The following CSMD3 variants were observed in gnomAD, a reference collection of about 807,000 sequenced individuals.
CSMD3 encodes CUB and Sushi multiple domains 3.
CSMD3 carries 177 observed loss-of-function variants against 435.2 expected under a neutral mutation model. The ratio of observed to expected loss-of-function variants is 0.41; its 90% confidence interval spans 0.36 to 0.46. The LOEUF (loss-of-function observed/expected upper bound fraction) is 0.46, where lower values mean the gene tolerates loss of function less well. Among genes scored for constraint, CSMD3 ranks in the 20% least tolerant of loss-of-function variants. The pLI is 0.34. For missense variants in CSMD3, 4,265 were observed against 4,504.6 expected, an observed-to-expected ratio of 0.95 and a Z score of 1.52; for synonymous variants, 1,656 against 1,520.5, an observed-to-expected ratio of 1.09 and a Z score of -2.07.
At chr8:112,496,640 A>C (rs555877497) in intron 30 of CSMD3, among the ~76,000 whole-genome samples, 1 of 152,298 alleles carries the variant, frequency 6.6e-6, no homozygotes, top group African/African-American at 2.4e-5. Context: ...AGAATGAAAT[A>C]TTTGCAACAA....
intron 59 of CSMD3, among the ~76,000 whole-genome samples, chr8:112,270,372 G>C (rs936024566): frequency 1.3e-5 from 2 of 150,836 alleles, no homozygotes; most frequent in African/African-American, 4.9e-5. Context: ...GTGTGTGTGT[G>C]TGTGTGTGTG....
intron 4 of CSMD3, among the ~76,000 whole-genome samples, chr8:113,162,172 T>C (rs2092053363): frequency 6.6e-6 from 1 of 152,048 alleles, no homozygotes; most frequent in Admixed American, 6.6e-5. Flanking sequence ...GGATTTTATT[T>C]AAGGAAAAAT....
At chr8:112,306,848 A>G (rs1309671799) in intron 50 of CSMD3, among the ~76,000 whole-genome samples, 1 of 152,108 alleles carries the variant, frequency 6.6e-6, no homozygotes, top group Non-Finnish European at 1.5e-5. Flanking sequence ...TTTTATCTAC[A>G]ATACATTTGA....
chr8:112,790,966 G>A (rs759184412), intron 13 of CSMD3, among the ~76,000 whole-genome samples: 11 of 152,038 alleles, frequency 7.2e-5, no homozygotes, highest in Non-Finnish European at 1.2e-4. Context: ...CATATTTAAA[G>A]TATACAGTTT....
intron 5 of CSMD3, among the ~76,000 whole-genome samples, chr8:113,077,249 C>T (rs1339770473): frequency 2.0e-5 from 3 of 151,776 alleles, no homozygotes; most frequent in African/African-American, 4.8e-5. Flanking sequence ...AAAGGCTTAC[C>T]GGATCTCTGG....
rs1277157144 is a variant in CSMD3 at position 113,015,814 on chromosome 8, G to A, written c.1030+3253C>T. Among the ~76,000 whole-genome samples, 6 of 151,716 alleles carry A rather than the reference G, an allele frequency of 4.0e-5. No individual in the cohort carries two copies. In the East Asian group the frequency reaches 7.8e-4, roughly 20 times the overall value. ...AAGTAAATATGACAATGTATTCATC[G>A]AAATGGAAAAGAATAGAGTTTAGTT... On this transcript the variant is annotated intron_variant, in intron 6 of 70. Coordinates refer to ENST00000297405, the MANE Select transcript of CSMD3 (RefSeq NM_198123.2).
At position 112,263,792 on chromosome 8, in the gene CSMD3, G is replaced by A. The variant is rs1434688308; in HGVS notation, c.9709C>T (p.Pro3237Ser). ...TCCAGCCTTCCATTAGAGATCTGGG[G>A]AGGAGTTGGGCAGGTAACAGCTGCA... ...TCRAVTCPTP[P>S]QISNGRLEGT... Residue 3237 changes from proline (P) to serine (S), a missense_variant, in exon 61 of 71, where the codon CCC becomes TCC. Around this residue, in one of 3 missense-constraint regions of CSMD3, gnomAD observed 3,255 missense variants for 3,380.2 expected, o/e 0.96. Transcript: ENST00000297405. The A allele has an allele frequency of 3.7e-6, 6 of 1,613,806 alleles. No homozygotes were observed. The highest frequency in any genetic ancestry group is 4.2e-6 in the Non-Finnish European group (5 of 1,179,758).
At chr8:112,722,408 T>C (rs1373202399) in intron 13 of CSMD3, among the ~76,000 whole-genome samples, 1 of 152,210 alleles carries the variant, frequency 6.6e-6, no homozygotes, top group Non-Finnish European at 1.5e-5. Flanking sequence ...GATATTGATA[T>C]TGTGGCTACT....
chr8:113,372,099 C>T (rs1359115650), intron 1 of CSMD3, among the ~76,000 whole-genome samples: 1 of 152,142 alleles, frequency 6.6e-6, no homozygotes, highest in Middle Eastern at 3.2e-3. Context: ...ATTTGTGACT[C>T]TGCAAGGCCA....
At chr8:113,006,558 A>G (rs2086065004) in intron 6 of CSMD3, among the ~76,000 whole-genome samples, 1 of 151,974 alleles carries the variant, frequency 6.6e-6, no homozygotes, top group African/African-American at 2.4e-5. Flanking sequence ...AAAAAATTCT[A>G]AGCAAACTCA....
At chr8:113,303,441 C>T (rs1365015531) in intron 2 of CSMD3, among the ~76,000 whole-genome samples, 9 of 151,950 alleles carry the variant, frequency 5.9e-5, no homozygotes, top group African/African-American at 2.2e-4. Flanking sequence ...CAAAAAAGAG[C>T]CCGCATCACC....
intron 1 of CSMD3, among the ~76,000 whole-genome samples, chr8:113,322,043 G>A (rs565392510): frequency 2.2e-3 from 341 of 152,048 alleles, no homozygotes; most frequent in African/African-American, 7.9e-3. Flanking sequence ...CCAAATTAAT[G>A]TACATACATG....
intron 28 of CSMD3, among the ~76,000 whole-genome samples, chr8:112,511,149 A>G (rs563691600): frequency 6.6e-6 from 1 of 152,310 alleles, no homozygotes; most frequent in Admixed American, 6.5e-5. Flanking sequence ...TCCATATAAA[A>G]GTTATGTTTA....
chr8:113,032,455 G>T (rs2087154293), intron 5 of CSMD3, among the ~76,000 whole-genome samples: 1 of 151,614 alleles, frequency 6.6e-6, no homozygotes, highest in African/African-American at 2.4e-5. Context: ...CTGCTCTAGA[G>T]ATTTATGGAA....
intron 63 of CSMD3, among the ~76,000 whole-genome samples, chr8:112,251,640 T>C (rs962588447): frequency 6.6e-6 from 1 of 151,802 alleles, no homozygotes; most frequent in Non-Finnish European, 1.5e-5. Context: ...ATAATCACTA[T>C]GGTTAGTTTG....
chr8:113,112,144 T>C (rs1333793369), intron 4 of CSMD3, among the ~76,000 whole-genome samples: 1 of 151,970 alleles, frequency 6.6e-6, no homozygotes, highest in African/African-American at 2.4e-5. Flanking sequence ...TTACATTTTT[T>C]CGCTCAGCTG....
At chr8:113,189,792 C>T (rs1263331308) in intron 3 of CSMD3, among the ~76,000 whole-genome samples, 1 of 151,712 alleles carries the variant, frequency 6.6e-6, no homozygotes, top group Non-Finnish European at 1.5e-5. Context: ...GTTGAAAAAT[C>T]AGAGCAAGTC....
chr8:112,410,516 ATATG>A (rs1233623835), intron 32 of CSMD3, among the ~76,000 whole-genome samples: 1 of 140,574 alleles, frequency 7.1e-6, no homozygotes, highest in African/African-American at 2.6e-5. Context: ...ATATATATAT[ATATG>A]TATATTTGTT....
At chr8:113,062,661 A>AT (rs1351711150) in intron 5 of CSMD3, among the ~76,000 whole-genome samples, 1 of 151,860 alleles carries the variant, frequency 6.6e-6, no homozygotes, top group Non-Finnish European at 1.5e-5. Flanking sequence ...GAACCATATC[A>AT]TTAAAATATT....
Sources: allele counts gnomAD v4.1 joint callset (sites outside exome capture counted in the v4.1 genomes callset), GRCh38; gene constraint gnomAD v4.1.1; regional missense constraint gnomAD v4.1.1; transcripts MANE v1.5; gene names NCBI Gene and HGNC (gene_info 2026-07-23, HGNC 2026-07-21).